GALNTL6: variants seen among roughly 807,000 people sequenced by gnomAD.
GALNTL6 encodes polypeptide N-acetylgalactosaminyltransferase-like 6.
A neutral mutation model predicts 73.7 loss-of-function variants in GALNTL6; 46 were observed. That is an observed-to-expected ratio of 0.62 (90% CI 0.49 to 0.80). The LOEUF (loss-of-function observed/expected upper bound fraction) is 0.80. GALNTL6 is among the 30% of genes least tolerant of loss of function. GALNTL6 has a pLI of 0.00. For synonymous variants in GALNTL6, 259 were observed against 263.7 expected, an observed-to-expected ratio of 0.98 and a Z score of 0.17; for missense variants, 604 against 755.0, an observed-to-expected ratio of 0.80 and a Z score of 2.34.
chr4:172,024,559 T>C (rs1741498067), intron 2 of GALNTL6, among the ~76,000 whole-genome samples: 1 of 151,882 alleles, frequency 6.6e-6, no homozygotes, highest in South Asian at 2.1e-4. Flanking sequence ...TTCTCTCAAT[T>C]CCCAATATAT....
chr4:172,187,995 C>T (rs1004767844), intron 2 of GALNTL6, among the ~76,000 whole-genome samples: 6 of 151,998 alleles, frequency 3.9e-5, no homozygotes, highest in African/African-American at 1.5e-4. Context: ...TATACAAAGT[C>T]ATTACAGAGG....
chr4:173,011,145 T>C (rs1561085203), intron 11 of GALNTL6, among the ~76,000 whole-genome samples: 1 of 152,228 alleles, frequency 6.6e-6, no homozygotes, highest in Non-Finnish European at 1.5e-5. Context: ...AGTTTGCCAT[T>C]TGTATGTCTT....
chr4:171,937,833 T>C (rs1738399207), intron 2 of GALNTL6, among the ~76,000 whole-genome samples: 1 of 152,194 alleles, frequency 6.6e-6, no homozygotes, highest in Non-Finnish European at 1.5e-5. Context: ...AATTATTTGC[T>C]AATGAATAAA....
At chr4:172,702,985 T>C (rs1238046728) in intron 5 of GALNTL6, among the ~76,000 whole-genome samples, 3 of 152,030 alleles carry the variant, frequency 2.0e-5, no homozygotes, top group Non-Finnish European at 4.4e-5. Context: ...TTTGGTTGTT[T>C]TATGTATACA....
chr4:172,895,284 C>CCTGT (rs34880123), intron 8 of GALNTL6, among the ~76,000 whole-genome samples: 150,805 of 151,236 alleles, frequency 1, 75,188 homozygotes, highest in Middle Eastern at 1. Context: ...TTCCATTTTT[C>CCTGT]CTGTCTTTGT....
rs1579137073 is a variant in GALNTL6, at chr4:172,503,881, A to AAGTTTGGTGAATTCTTATC, written c.553+155192_553+155193insAGTTTGGTGAATTCTTATC. Reference sequence around the variant, plus strand: ...ACAGGTGTAAGGACAGAGTCCAAGCACAGATCACGCCTGTAATCCTAGCCC... The same window carrying AAGTTTGGTGAATTCTTATC: ...ACAGGTGTAAGGACAGAGTCCAAGCAAGTTTGGTGAATTCTTATCCAGATCACGCCTGTAATCCTAGCCC... On this transcript the variant is annotated intron_variant, in intron 5 of 12. Transcript: ENST00000506823. Among the ~76,000 whole-genome samples the AAGTTTGGTGAATTCTTATC allele has an allele frequency of 1.5e-3, 90 of 59,754 alleles. 3 individuals are homozygous for AAGTTTGGTGAATTCTTATC. The highest frequency in any genetic ancestry group is 5.1e-3 in the South Asian group (4 of 788). 39.2% of individuals were successfully genotyped at this position (59,754 alleles called of 152,430 possible). A position where few individuals can be genotyped will look rare whatever the true frequency, so the allele number is the denominator to read the frequency against.
intron 5 of GALNTL6, among the ~76,000 whole-genome samples, chr4:172,744,751 A>T (rs1414222278): frequency 6.6e-6 from 1 of 151,904 alleles, no homozygotes; most frequent in Non-Finnish European, 1.5e-5. Flanking sequence ...CCATTCTAGG[A>T]TCCCATCATC....
At chr4:172,626,491 A>G (rs1393152056) in intron 5 of GALNTL6, among the ~76,000 whole-genome samples, 1 of 151,948 alleles carries the variant, frequency 6.6e-6, no homozygotes, top group African/African-American at 2.4e-5. Context: ...TTGGCTCTTC[A>G]GGTCTTTTTT....
At chr4:172,383,205 G>A (rs562059354) in intron 5 of GALNTL6, among the ~76,000 whole-genome samples, 107 of 152,068 alleles carry the variant, frequency 7.0e-4, no homozygotes, top group African/African-American at 1.3e-3. Context: ...CATTGAATCC[G>A]TGTACCAAAT....
At chr4:172,786,490 T>C (rs919175052) in intron 5 of GALNTL6, among the ~76,000 whole-genome samples, 8 of 152,188 alleles carry the variant, frequency 5.3e-5, no homozygotes, top group African/African-American at 1.9e-4. Context: ...TTCTTTAATA[T>C]AAGTGTTTGG....
At chr4:172,177,785 A>ACACATATATATG (rs1491090289) in intron 2 of GALNTL6, among the ~76,000 whole-genome samples, 1 of 63,998 alleles carries the variant, frequency 1.6e-5, no homozygotes, top group South Asian at 7.0e-4. Context: ...ATATATACAC[A>ACACATATATATG]TGTGTATATA....
At chr4:172,172,090 G>A (rs1341496142) in intron 2 of GALNTL6, among the ~76,000 whole-genome samples, 3 of 152,160 alleles carry the variant, frequency 2.0e-5, no homozygotes. Context: ...GAATGTGACT[G>A]TATTTGTAGA....
chr4:171,902,250 T>A (rs1016395462), intron 2 of GALNTL6, among the ~76,000 whole-genome samples: 3 of 152,142 alleles, frequency 2.0e-5, no homozygotes, highest in Non-Finnish European at 1.5e-5. Flanking sequence ...ATCTTCCATA[T>A]TCAGGAGGTT....
At chr4:172,486,732 T>C (rs981398556) in intron 5 of GALNTL6, among the ~76,000 whole-genome samples, 1 of 152,236 alleles carries the variant, frequency 6.6e-6, no homozygotes, top group Non-Finnish European at 1.5e-5. Flanking sequence ...AATCTGTCCT[T>C]TAATAGCCTT....
chr4:172,009,960 A>G (rs1238992738), intron 2 of GALNTL6, among the ~76,000 whole-genome samples: 3 of 152,076 alleles, frequency 2.0e-5, no homozygotes, highest in African/African-American at 4.8e-5. Context: ...TGTGTGAATT[A>G]TTTTCTATTC....
At chr4:172,739,485 G>A (rs761117489) in intron 5 of GALNTL6, among the ~76,000 whole-genome samples, 3 of 152,058 alleles carry the variant, frequency 2.0e-5, no homozygotes, top group Non-Finnish European at 2.9e-5. Context: ...AGGTTAGTGG[G>A]TGGGTTTTAT....
chr4:172,542,447 A>G (rs1394384127), intron 5 of GALNTL6, among the ~76,000 whole-genome samples: 2 of 152,080 alleles, frequency 1.3e-5, no homozygotes, highest in East Asian at 1.9e-4. Flanking sequence ...GCTGCTTTTC[A>G]TTAAAGAGAA....
intron 5 of GALNTL6, among the ~76,000 whole-genome samples, chr4:172,636,627 C>T (rs1739697538): frequency 6.6e-6 from 1 of 152,178 alleles, no homozygotes; most frequent in Non-Finnish European, 1.5e-5. Context: ...AAAATAGATT[C>T]TTACCCACAG....
chr4:172,926,088 G>A (rs967084121), intron 8 of GALNTL6, among the ~76,000 whole-genome samples: 15 of 152,154 alleles, frequency 9.9e-5, no homozygotes, highest in African/African-American at 3.6e-4. Flanking sequence ...TCTGGATGCT[G>A]CAAGTCTGAT....
Sources: gnomAD v4.1 joint callset for allele counts (sites outside exome capture counted in the v4.1 genomes callset) on GRCh38, gnomAD v4.1.1 for gene constraint, MANE v1.5 for transcripts, NCBI Gene and HGNC (gene_info 2026-07-23, HGNC 2026-07-21) for gene names.